CPA6: variants seen among roughly 807,000 people sequenced by gnomAD.
The protein encoded by CPA6 is carboxypeptidase B.
Under a neutral mutation model 63.3 loss-of-function variants are expected in CPA6, and 58 were observed. The ratio of observed to expected loss-of-function variants is 0.92; its 90% CI spans 0.74 to 1.14. The LOEUF (loss-of-function observed/expected upper bound fraction) is 1.14. Ranked by LOEUF, CPA6 falls within the 50% of genes most tolerant of loss-of-function variation. The pLI is 0.00. For missense variants in CPA6, 565 were observed against 526.6 expected, an observed-to-expected ratio of 1.07 and a Z score of -0.71; for synonymous variants, 185 against 179.0, an observed-to-expected ratio of 1.03 and a Z score of -0.27.
At chr8:67,458,791 A>G (rs944105166) in intron 8 of CPA6, among the ~76,000 whole-genome samples, 1 of 152,238 alleles carries the variant, frequency 6.6e-6, no homozygotes, top group Non-Finnish European at 1.5e-5. Flanking sequence ...TAAGCAAATG[A>G]AAAGATGCCC....
In CPA6 at chr8:67,628,128, G is replaced by A. The variant is rs148432816; in HGVS notation, c.117-3877C>T. On this transcript the variant is annotated intron_variant, in intron 1 of 10. Coordinates refer to ENST00000297770, the MANE Select transcript of CPA6 (RefSeq NM_020361.5). Reference sequence around the variant, plus strand: ...CTTAGGAGGCTGAGGCAGGAGAATGGCTTGAACCTGGGAGGCGGAGATTGC... The same window carrying A: ...CTTAGGAGGCTGAGGCAGGAGAATGACTTGAACCTGGGAGGCGGAGATTGC... Among the ~76,000 whole-genome samples, 962 of 152,092 alleles carry A rather than the reference G, an allele frequency of 6.3e-3. 13 individuals carry two copies. Among genetic ancestry groups the A allele is most frequent in the African/African-American group, 0.022 (922 of 41,458 alleles).
rs1463337539 is a variant in CPA6, at chr8:67,430,121, GTA to G, written c.1042-1992_1042-1991del. 1.3e-3 allele frequency among the ~76,000 whole-genome samples: 167 copies of G among 132,120 alleles called. 5 individuals are homozygous for G. The highest frequency in any genetic ancestry group is 8.8e-3 in the Admixed American group (113 of 12,910). 86.7% of individuals were successfully genotyped at this position (132,120 alleles called of 152,430 possible). On this transcript the variant is annotated intron_variant, in intron 9 of 10. Coordinates refer to ENST00000297770, the MANE Select transcript of CPA6 (RefSeq NM_020361.5). ...TTATTGGTGTTCAGCTAAGTAAATG[GTA>G]TATATATATGTGTGTGTGTGTGTGT...
intron 1 of CPA6, among the ~76,000 whole-genome samples, chr8:67,705,079 G>A (rs1817105144): frequency 6.6e-6 from 1 of 152,144 alleles, no homozygotes; most frequent in Non-Finnish European, 1.5e-5. Context: ...GCCCCTCCAG[G>A]TTGCCCCAGA....
intron 2 of CPA6, among the ~76,000 whole-genome samples, chr8:67,604,851 C>A (rs763000532): frequency 6.6e-6 from 1 of 152,118 alleles, no homozygotes; most frequent in Non-Finnish European, 1.5e-5. Context: ...GGTCTCAGCT[C>A]ACTGCAACCT....
chr8:67,430,345 A>G (rs1020669896), intron 9 of CPA6, among the ~76,000 whole-genome samples: 3 of 151,666 alleles, frequency 2.0e-5, no homozygotes, highest in African/African-American at 7.3e-5. Context: ...ACGCCTGGCT[A>G]ATTTTTGTAT....
At chr8:67,547,638 G>A (rs1000062821) in intron 2 of CPA6, among the ~76,000 whole-genome samples, 5 of 151,928 alleles carry the variant, frequency 3.3e-5, no homozygotes, top group African/African-American at 1.2e-4. Context: ...GGGCCCACAG[G>A]TGAATGCCAC....
At chr8:67,704,293 G>A (rs1273757378) in intron 1 of CPA6, among the ~76,000 whole-genome samples, 2 of 152,064 alleles carry the variant, frequency 1.3e-5, no homozygotes, top group South Asian at 2.1e-4. Context: ...TTCTCAATAC[G>A]CGTCAAGACC....
At chr8:67,496,283 AC>A (rs1027829233) in intron 6 of CPA6, among the ~76,000 whole-genome samples, 4 of 152,210 alleles carry the variant, frequency 2.6e-5, no homozygotes, top group South Asian at 4.1e-4. Context: ...ACCATGATTT[AC>A]ACTTCTGTTG....
At position 67,455,663 on chromosome 8, in the gene CPA6, C is replaced by CAAAAAAAAAAAAAAAA. The variant is rs552041509; in HGVS notation, c.839-21439_839-21424dup. ...TAGTGAAGCCCCTTCTCTACAAAAGCAAAAAAAAAAAAAAAAAAAAAAAAA... is the reference window on the plus strand; with the variant it reads ...TAGTGAAGCCCCTTCTCTACAAAAGCAAAAAAAAAAAAAAAAAAAAAAAAAAAAAAAAAAAAAAAAA... On this transcript the variant is annotated intron_variant, in intron 8 of 10. Coordinates refer to ENST00000297770, the MANE Select transcript of CPA6 (RefSeq NM_020361.5). Among the ~76,000 whole-genome samples the CAAAAAAAAAAAAAAAA allele has an allele frequency of 7.6e-4, 23 of 30,254 alleles. 2 individuals are homozygous for CAAAAAAAAAAAAAAAA. The highest frequency in any genetic ancestry group is 7.8e-4 in the African/African-American group (5 of 6,410). 19.8% of individuals were successfully genotyped at this position (30,254 alleles called of 152,430 possible).
intron 1 of CPA6, among the ~76,000 whole-genome samples, chr8:67,641,083 C>T (rs951478858): frequency 1.3e-5 from 2 of 151,880 alleles, no homozygotes; most frequent in African/African-American, 4.9e-5. Context: ...GCTGCTCCTG[C>T]TGCCACCACT....
At chr8:67,461,000 A>G (rs1307996698) in intron 8 of CPA6, among the ~76,000 whole-genome samples, 1 of 150,764 alleles carries the variant, frequency 6.6e-6, no homozygotes, top group Non-Finnish European at 1.5e-5. Flanking sequence ...TGGTGGGGCT[A>G]GTGAGCGGAG....
intron 2 of CPA6, among the ~76,000 whole-genome samples, chr8:67,598,756 A>T (rs1346562948): frequency 6.6e-6 from 1 of 152,180 alleles, no homozygotes; most frequent in African/African-American, 2.4e-5. Context: ...AATAACTTTT[A>T]TGTCTAAACA....
chr8:67,530,420 T>C (rs1040323068), intron 2 of CPA6, among the ~76,000 whole-genome samples: 3 of 152,140 alleles, frequency 2.0e-5, no homozygotes, highest in Non-Finnish European at 4.4e-5. Flanking sequence ...AATTACATCA[T>C]CATAAGATTT....
intron 1 of CPA6, among the ~76,000 whole-genome samples, chr8:67,648,389 T>C (rs1815763463): frequency 6.6e-6 from 1 of 151,608 alleles, no homozygotes; most frequent in African/African-American, 2.4e-5. Flanking sequence ...AAGAACGGCA[T>C]TGCTAAGCCT....
chr8:67,487,122 G>T (rs753472561), intron 6 of CPA6, among the ~76,000 whole-genome samples: 2 of 152,054 alleles, frequency 1.3e-5, no homozygotes, highest in Non-Finnish European at 2.9e-5. Flanking sequence ...TGTTACATAG[G>T]TATACATGTG....
intron 8 of CPA6, among the ~76,000 whole-genome samples, chr8:67,476,938 T>C (rs568216664): frequency 1.3e-5 from 2 of 152,222 alleles, no homozygotes; most frequent in East Asian, 3.9e-4. Flanking sequence ...GGTGAGCAAA[T>C]CCTTATGATC....
In CPA6 at chr8:67,449,715, C is replaced by T. The variant is rs544691477; in HGVS notation, c.839-15475G>A. Among the ~76,000 whole-genome samples the T allele has an allele frequency of 1.2e-4, 18 of 152,112 alleles. No homozygotes were observed. In the East Asian group the frequency reaches 1.4e-3, roughly 11 times the overall value. The stretch of plus-strand genomic sequence containing the variant: ...GAACGGTGAGGTAGAAGCTACTTCA[C>T]GATGCCATCAATGTTCCTCTCATGT... On this transcript the variant is annotated intron_variant, in intron 8 of 10. Transcript: ENST00000297770.
At chr8:67,590,612 G>A (rs1356666793) in intron 2 of CPA6, among the ~76,000 whole-genome samples, 2 of 152,108 alleles carry the variant, frequency 1.3e-5, no homozygotes, top group Non-Finnish European at 2.9e-5. Flanking sequence ...TCTCATTGTG[G>A]TTTGATTTGC....
intron 2 of CPA6, among the ~76,000 whole-genome samples, chr8:67,544,174 A>G (rs934465097): frequency 6.6e-6 from 1 of 152,202 alleles, no homozygotes; most frequent in African/African-American, 2.4e-5. Flanking sequence ...AGCTTGCAGG[A>G]TTATTAAAAA....
Sources: allele counts gnomAD v4.1 joint callset (sites outside exome capture counted in the v4.1 genomes callset), GRCh38; gene constraint gnomAD v4.1.1; transcripts MANE v1.5; gene names NCBI Gene and HGNC (gene_info 2026-07-23, HGNC 2026-07-21).